The following SHISA6 variants were observed in gnomAD, a reference collection of about 807,000 sequenced individuals.
SHISA6 encodes the protein protein shisa-6.
A neutral mutation model predicts 47.9 loss-of-function variants in SHISA6; 22 were observed. The observed-to-expected ratio is 0.46, with a 90% CI of 0.33 to 0.66. The LOEUF (loss-of-function observed/expected upper bound fraction) is 0.66, where lower values mean the gene tolerates loss of function less well. Ranked by LOEUF, SHISA6 falls within the 30% of genes least tolerant of loss-of-function variation. The pLI is 0.02. For synonymous variants in SHISA6, 388 were observed against 337.8 expected, an observed-to-expected ratio of 1.15 and a Z score of -1.63; for missense variants, 680 against 764.6, an observed-to-expected ratio of 0.89 and a Z score of 1.30.
chr17:11,457,886 C>A (rs1915585550), intron 3 of SHISA6, among the ~76,000 whole-genome samples: 1 of 151,900 alleles, frequency 6.6e-6, no homozygotes, highest in Admixed American at 6.6e-5. Context: ...GAGATTGAGA[C>A]CATCCTGGCT....
At chr17:11,378,487 C>T (rs1912892322) in intron 2 of SHISA6, among the ~76,000 whole-genome samples, 1 of 152,208 alleles carries the variant, frequency 6.6e-6, no homozygotes, top group African/African-American at 2.4e-5. Context: ...ATTTTTAATA[C>T]ACTCTTTTGG....
In SHISA6 at chr17:11,558,656, C is replaced by T. The variant is rs562226417; in HGVS notation, c.*352C>T. ...CGGGGGACTCAGCTGCAGGTTCTGT[C>T]AGCAGAGAGACCCTTGCTTGACTGT... On this transcript the variant is annotated 3_prime_UTR_variant, in exon 6 of 6. Transcript: ENST00000441885. 2.9e-6 allele frequency: 1 copy of T among 346,076 alleles called. No homozygotes were observed. Among genetic ancestry groups the T allele is most frequent in the Non-Finnish European group, 5.4e-6 (1 of 185,166 alleles). The allele number at this position is 346,076 out of a possible 1,614,324, so 21.4% of individuals were successfully genotyped here. A position where few individuals can be genotyped will look rare whatever the true frequency, so the allele number is the denominator to read the frequency against.
intron 2 of SHISA6, among the ~76,000 whole-genome samples, chr17:11,374,580 T>A (rs1010057057): frequency 6.6e-6 from 1 of 152,084 alleles, no homozygotes; most frequent in Admixed American, 6.6e-5. Context: ...GTGAAAAGTC[T>A]GGACTTTTTT....
At chr17:11,413,096 T>C (rs996208689) in intron 3 of SHISA6, among the ~76,000 whole-genome samples, 5 of 152,064 alleles carry the variant, frequency 3.3e-5, no homozygotes, top group Non-Finnish European at 7.4e-5. Flanking sequence ...CCACGTGGCT[T>C]CCTCCACACA....
intron 2 of SHISA6, among the ~76,000 whole-genome samples, chr17:11,358,084 A>G (rs1281356968): frequency 2.0e-5 from 3 of 152,218 alleles, no homozygotes; most frequent in African/African-American, 7.2e-5. Context: ...TTTTAAGTAT[A>G]CAGTTTACTG....
intron 3 of SHISA6, among the ~76,000 whole-genome samples, chr17:11,506,564 T>A (rs1346610757): frequency 2.0e-5 from 3 of 152,186 alleles, no homozygotes; most frequent in African/African-American, 7.2e-5. Context: ...TTAAACTGTG[T>A]GTTGACCCAC....
chr17:11,480,629 C>T (rs1261314811), intron 3 of SHISA6, among the ~76,000 whole-genome samples: 1 of 152,160 alleles, frequency 6.6e-6, no homozygotes, highest in African/African-American at 2.4e-5. Flanking sequence ...AGAGACTAGA[C>T]TCCCCCACAT....
chr17:11,465,170 G>C (rs555752901), intron 3 of SHISA6, among the ~76,000 whole-genome samples: 7 of 152,208 alleles, frequency 4.6e-5, no homozygotes, highest in East Asian at 3.9e-4. Flanking sequence ...CATTCTCAAC[G>C]TGCAGTGTCC....
At chr17:11,503,823 G>C (rs967143099) in intron 3 of SHISA6, among the ~76,000 whole-genome samples, 1 of 152,206 alleles carries the variant, frequency 6.6e-6, no homozygotes, top group Non-Finnish European at 1.5e-5. Context: ...TACTGTGGCT[G>C]TTGTCTGTAT....
At chr17:11,534,734 G>C (rs1158467976) in intron 3 of SHISA6, among the ~76,000 whole-genome samples, 2 of 152,164 alleles carry the variant, frequency 1.3e-5, no homozygotes, top group African/African-American at 2.4e-5. Context: ...TGTGGGAAAA[G>C]ACATTCCAGG....
At chr17:11,262,385 C>A (rs1033691334) in intron 1 of SHISA6, among the ~76,000 whole-genome samples, 1 of 152,114 alleles carries the variant, frequency 6.6e-6, no homozygotes, top group Non-Finnish European at 1.5e-5. Context: ...GGACTGGGGA[C>A]CTGGATCTGA....
chr17:11,534,329 T>A (rs964197894), intron 3 of SHISA6, among the ~76,000 whole-genome samples: 1 of 152,004 alleles, frequency 6.6e-6, no homozygotes, highest in African/African-American at 2.4e-5. Context: ...TTTGAAATAT[T>A]TATTGAGCAA....
chr17:11,500,063 G>A (rs971506408), intron 3 of SHISA6, among the ~76,000 whole-genome samples: 11 of 152,190 alleles, frequency 7.2e-5, no homozygotes. Flanking sequence ...AAAGCAGACA[G>A]TTGGGCAGGG....
intron 2 of SHISA6, chr17:11,290,945 C>G (rs1487776074): frequency 6.6e-6 from 1 of 151,764 alleles, no homozygotes; most frequent in Middle Eastern, 3.4e-3. Flanking sequence ...GTGATGCCAG[C>G]CCTGACTTTC....
chr17:11,525,659 A>AAAAAAC (rs1567629382), intron 3 of SHISA6, among the ~76,000 whole-genome samples: 16 of 148,856 alleles, frequency 1.1e-4, no homozygotes, highest in African/African-American at 4.0e-4. Context: ...AAACAAAAAA[A>AAAAAAC]AAAAAACGTG....
intron 2 of SHISA6, among the ~76,000 whole-genome samples, chr17:11,358,933 T>TGGCCAC (rs1912170572): frequency 1.3e-5 from 2 of 152,212 alleles, no homozygotes. Context: ...GTGTTGGGAT[T>TGGCCAC]ACAGGGGTGA....
intron 3 of SHISA6, among the ~76,000 whole-genome samples, chr17:11,428,878 G>A (rs375914292): frequency 6.1e-4 from 92 of 150,238 alleles, no homozygotes; most frequent in South Asian, 3.0e-3. Context: ...TCCGCCTGCC[G>A]GGTTCATGCC....
At chr17:11,360,476 C>T (rs1912228769) in intron 2 of SHISA6, among the ~76,000 whole-genome samples, 1 of 151,592 alleles carries the variant, frequency 6.6e-6, no homozygotes, top group Non-Finnish European at 1.5e-5. Context: ...AGGAGAATTG[C>T]TTGAACCCGG....
chr17:11,463,650 G>T (rs995761039), intron 3 of SHISA6, among the ~76,000 whole-genome samples: 4 of 152,106 alleles, frequency 2.6e-5, no homozygotes, highest in Non-Finnish European at 4.4e-5. Flanking sequence ...TATTTCACTT[G>T]ACAATACATC....
Sources: gnomAD v4.1 joint callset for allele counts (sites outside exome capture counted in the v4.1 genomes callset) on GRCh38, gnomAD v4.1.1 for gene constraint, MANE v1.5 for transcripts, NCBI Gene and HGNC (gene_info 2026-07-23, HGNC 2026-07-21) for gene names.